The following EPS8 variants were observed in gnomAD, a reference collection of about 807,000 sequenced individuals.
The protein encoded by EPS8 is epidermal growth factor receptor kinase substrate 8.
Under a neutral mutation model 103.8 loss-of-function variants are expected in EPS8, and 42 were observed. The ratio of observed to expected loss-of-function variants is 0.40; its 90% CI spans 0.32 to 0.52. The LOEUF (loss-of-function observed/expected upper bound fraction) is 0.52. Ranked by LOEUF, EPS8 falls within the 20% of genes least tolerant of loss-of-function variation. The probability of loss-of-function intolerance (pLI) is 0.40; values close to 1 mark genes in which losing one functional copy is unlikely to be tolerated. For missense variants in EPS8, 969 were observed against 1,005.1 expected (o/e 0.96, Z 0.49); for synonymous variants, 344 against 344.6 (o/e 1.00, Z 0.02).
intron 6 of EPS8, among the ~76,000 whole-genome samples, chr12:15,668,181 A>G (rs73315028): frequency 0.05 from 7,598 of 152,270 alleles, 638 homozygotes; most frequent in African/African-American, 0.17. Context: ...CAAAAATCTG[A>G]TGAATATCAC....
rs1222714848 is a variant in EPS8 at position 15,735,552 on chromosome 12, C to T, written c.-21-52580G>A. Among the ~76,000 whole-genome samples, 1 of 152,146 alleles carries T rather than the reference C, an allele frequency of 6.6e-6. No homozygotes were observed. The highest frequency in any genetic ancestry group is 1.5e-5 in the Non-Finnish European group (1 of 68,032). The stretch of plus-strand genomic sequence containing the variant: ...TTGAATCCATGTCTAATCCTAAATG[C>T]CTCAAAGCTACTTAATTTTGAATCT... On this transcript the variant is annotated intron_variant, in intron 1 of 20. Transcript: ENST00000281172. This position sits in a 1 kb window ranked among gnomAD's most constrained non-coding sequence, Gnocchi z 4.4.
At chr12:15,742,910 A>G (rs1385168328) in intron 1 of EPS8, among the ~76,000 whole-genome samples, 17 of 152,222 alleles carry the variant, frequency 1.1e-4, no homozygotes, top group Admixed American at 1.0e-3. Flanking sequence ...AGTTCTGGCC[A>G]GGGCAATGAG....
chr12:15,753,529 G>T (rs151325366), intron 1 of EPS8, among the ~76,000 whole-genome samples: 3 of 151,900 alleles, frequency 2.0e-5, no homozygotes, highest in Admixed American at 6.5e-5. Flanking sequence ...AGCATAAGTC[G>T]CATCAGATTC....
intron 13 of EPS8, among the ~76,000 whole-genome samples, chr12:15,651,459 C>T (rs1289019950): frequency 6.6e-6 from 1 of 152,118 alleles, no homozygotes; most frequent in African/African-American, 2.4e-5. Context: ...ATATATCTTT[C>T]AAAAGAGAAA....
chr12:15,786,540 C>T (rs991791984), intron 1 of EPS8, among the ~76,000 whole-genome samples: 1 of 152,022 alleles, frequency 6.6e-6, no homozygotes, highest in African/African-American at 2.4e-5. Flanking sequence ...TGTACTGATA[C>T]TGGTTCATTA....
intron 1 of EPS8, among the ~76,000 whole-genome samples, chr12:15,783,245 T>A (rs1947277703): frequency 6.6e-6 from 1 of 152,210 alleles, no homozygotes; most frequent in Non-Finnish European, 1.5e-5. Flanking sequence ...CCTTATGGTT[T>A]TCCTAATAAA....
rs147413894 is a variant in EPS8, at chr12:15,752,153, T to C, written c.-22+37008A>G. On this transcript the variant is annotated intron_variant, in intron 1 of 20. Transcript: ENST00000281172. This position sits in a 1 kb window ranked among gnomAD's most constrained non-coding sequence, Gnocchi z 4.4. ...GAAAGCAGCTCCTAATTAGAGCTATTAAAATTCCCCTAGGCCGGGCGTGGT... is the reference window on the plus strand; with the variant it reads ...GAAAGCAGCTCCTAATTAGAGCTATCAAAATTCCCCTAGGCCGGGCGTGGT... Among the ~76,000 whole-genome samples, 43 of 152,242 alleles carry C rather than the reference T, an allele frequency of 2.8e-4. 1 individual carries two copies. Among genetic ancestry groups the C allele is most frequent in the African/African-American group, 1.0e-3 (42 of 41,554 alleles).
rs1294006622 is a variant in EPS8 at position 15,738,532 on chromosome 12, A to G, written c.-22+50629T>C. Among the ~76,000 whole-genome samples, 1 of 152,218 alleles carries G rather than the reference A, an allele frequency of 6.6e-6. No homozygotes were observed. Among genetic ancestry groups the G allele is most frequent in the Non-Finnish European group, 1.5e-5 (1 of 68,024 alleles). ...CATTGAACTTACTGAAGGTCCTTCT[A>G]TAATAAGAACATTCTTAGCCCTGAA... On this transcript the variant is annotated intron_variant, in intron 1 of 20. Coordinates refer to ENST00000281172, the MANE Select transcript of EPS8 (RefSeq NM_004447.6). The surrounding 1 kb of genome is among the most constrained non-coding windows in gnomAD (Gnocchi z 6.2).
intron 1 of EPS8, among the ~76,000 whole-genome samples, chr12:15,737,960 C>T (rs1433784996): frequency 6.6e-6 from 1 of 152,022 alleles, no homozygotes; most frequent in Non-Finnish European, 1.5e-5. Flanking sequence ...AACTCAGAAA[C>T]TAAGAAAGAG....
At chr12:15,722,088 C>G (rs1002752631) in intron 1 of EPS8, among the ~76,000 whole-genome samples, 1 of 151,402 alleles carries the variant, frequency 6.6e-6, no homozygotes, top group Non-Finnish European at 1.5e-5. Context: ...CTCATTGAAG[C>G]CTTCTACAGC....
intron 18 of EPS8, among the ~76,000 whole-genome samples, chr12:15,628,450 T>C (rs1348423891): frequency 6.6e-6 from 1 of 152,102 alleles, no homozygotes; most frequent in Non-Finnish European, 1.5e-5. Flanking sequence ...TTTACACCTT[T>C]CTAAAGTAAC....
In EPS8 at chr12:15,665,838, AG is replaced by A. The variant is rs1255766376; in HGVS notation, c.653del (p.Pro218LeufsTer44). 6.2e-7 allele frequency: 1 copy of A among 1,613,854 alleles called. No individual in the cohort carries two copies. The highest frequency in any genetic ancestry group is 8.5e-7 in the Non-Finnish European group (1 of 1,179,882). On this transcript the variant is annotated frameshift_variant, in exon 8 of 21. Transcript: ENST00000281172. LOFTEE classifies it high-confidence loss of function. ...SIPPPPRAPA[P>X]APPGTVTQVD... ...CCTGGGTGACGGTCCCAGGGGGCGC[AG>A]GGGCAGGAGCTCTGGGTGGAGGCGG...
rs1944846712 is a variant in EPS8, at chr12:15,620,555, C to T, written c.*762G>A. The stretch of plus-strand genomic sequence containing the variant: ...TTAAGCAAAATACTGTAATGCACAC[C>T]AATGCAGACTACTTCCTTTGCTAGA... On this transcript the variant is annotated 3_prime_UTR_variant, in exon 21 of 21. Transcript: ENST00000281172. 1 of 152,580 alleles carries T rather than the reference C, an allele frequency of 6.6e-6. No individual in the cohort carries two copies. The highest frequency in any genetic ancestry group is 2.1e-4 in the South Asian group (1 of 4,822). The allele number at this position is 152,580 out of a possible 1,614,324, so 9.5% of individuals were successfully genotyped here.
intron 17 of EPS8, among the ~76,000 whole-genome samples, chr12:15,638,152 G>C (rs1037761676): frequency 6.6e-6 from 1 of 151,966 alleles, no homozygotes; most frequent in Non-Finnish European, 1.5e-5. Context: ...TAAAACAGTA[G>C]ATATGGGTAT....
rs187952099 is a variant in EPS8, at chr12:15,630,355, A to C, written c.2044+1087T>G. On this transcript the variant is annotated intron_variant, in intron 18 of 20. Transcript: ENST00000281172. The stretch of plus-strand genomic sequence containing the variant: ...CAAGTAACTTTATAATACGTTTAAA[A>C]CACCAAATTTGGAGATTAAATTGAC... Among the ~76,000 whole-genome samples the C allele has an allele frequency of 3.0e-3, 450 of 152,278 alleles. 10 individuals are homozygous for C. Among genetic ancestry groups the C allele is most frequent in the Non-Finnish European group, 2.7e-3 (183 of 68,024 alleles).
chr12:15,631,451 G>A lies in EPS8; in HGVS notation c.2035C>T (p.Pro679Ser). ...TCCCTGGGAAACTTACGGTCCACCG[G>A]AAGTTGTTTGTGTCTCTGGCTGTCT... ...VRDSQRHKQLPVDRRKSQMEE... is the reference protein window; with the variant it reads ...VRDSQRHKQLSVDRRKSQMEE... Residue 679 changes from proline (P) to serine (S), a missense_variant, in exon 18 of 21, where the codon CCG becomes TCG. Pro to Ser is a moderately conservative substitution (Grantham distance 74, BLOSUM62 -1). Coordinates refer to ENST00000281172, the MANE Select transcript of EPS8 (RefSeq NM_004447.6). The A allele has an allele frequency of 6.2e-7, 1 of 1,613,540 alleles. No individual in the cohort carries two copies. Among genetic ancestry groups the A allele is most frequent in the Non-Finnish European group, 8.5e-7 (1 of 1,179,494 alleles).
chr12:15,724,016 T>C (rs1946626190), intron 1 of EPS8, among the ~76,000 whole-genome samples: 1 of 152,196 alleles, frequency 6.6e-6, no homozygotes, highest in Admixed American at 6.5e-5. Context: ...ACTTTGAATA[T>C]TCTAGAATTC....
chr12:15,626,441 C>A (rs914824874), intron 18 of EPS8, among the ~76,000 whole-genome samples: 2 of 151,818 alleles, frequency 1.3e-5, no homozygotes, highest in Admixed American at 1.3e-4. Context: ...CCATCCTGGC[C>A]AACATGGTGA....
At chr12:15,686,854 AT>A (rs1161545052) in intron 1 of EPS8, among the ~76,000 whole-genome samples, 1 of 152,162 alleles carries the variant, frequency 6.6e-6, no homozygotes, top group Non-Finnish European at 1.5e-5. Flanking sequence ...CTCTCTGCAT[AT>A]TTAACTGTCC....
Sources: allele counts gnomAD v4.1 joint callset (sites outside exome capture counted in the v4.1 genomes callset), GRCh38; gene constraint gnomAD v4.1.1; non-coding constraint Gnocchi (gnomAD v3.1); transcripts MANE v1.5; gene names NCBI Gene and HGNC (gene_info 2026-07-23, HGNC 2026-07-21).